The following GNA14 variants were observed in gnomAD, a reference collection of about 807,000 sequenced individuals.
The protein encoded by GNA14 is G protein subunit alpha 14.
GNA14 carries 50 observed loss-of-function variants against 42.0 expected under a neutral mutation model. That is an observed-to-expected ratio of 1.19 (90% CI 0.95 to 1.51). The LOEUF is 1.51. Ranked by LOEUF, GNA14 falls within the 40% of genes most tolerant of loss-of-function variation. GNA14 has a pLI of 0.00. For missense variants in GNA14, 473 were observed against 446.2 expected, an observed-to-expected ratio of 1.06 and a Z score of -0.54; for synonymous variants, 173 against 163.1, an observed-to-expected ratio of 1.06 and a Z score of -0.46.
chr9:77,486,237 T>C (rs2165963), intron 2 of GNA14, among the ~76,000 whole-genome samples: 87,081 of 152,098 alleles, frequency 0.57, 25,449 homozygotes, highest in East Asian at 0.84. Context: ...GTTACAGAGA[T>C]GGCTTCTTTC....
chr9:77,545,207 C>T (rs1190209792), intron 1 of GNA14, among the ~76,000 whole-genome samples: 1 of 152,290 alleles, frequency 6.6e-6, no homozygotes, highest in East Asian at 1.9e-4. Flanking sequence ...AACCACCTTC[C>T]TATCCTTTCC....
intron 1 of GNA14, among the ~76,000 whole-genome samples, chr9:77,644,804 A>G (rs1824329139): frequency 6.6e-6 from 1 of 152,236 alleles, no homozygotes; most frequent in Non-Finnish European, 1.5e-5. Flanking sequence ...TCTGCATTTA[A>G]CAGGAAAATC....
chr9:77,438,581 A>T (rs57281393), intron 2 of GNA14, among the ~76,000 whole-genome samples: 44,643 of 151,200 alleles, frequency 0.3, 6,797 homozygotes, highest in African/African-American at 0.37. Flanking sequence ...TTTTTTTTTT[A>T]AAAAAAACCT....
At chr9:77,498,451 A>G (rs1430543105) in intron 2 of GNA14, among the ~76,000 whole-genome samples, 1 of 151,988 alleles carries the variant, frequency 6.6e-6, no homozygotes, top group Non-Finnish European at 1.5e-5. Flanking sequence ...TTTATTCACT[A>G]ATTTAATAAC....
rs534957714 is a variant in GNA14, at chr9:77,558,424, A to G, written c.125-29171T>C. 2.0e-5 allele frequency among the ~76,000 whole-genome samples: 3 copies of G among 152,312 alleles called. No homozygotes were observed. In the South Asian group the frequency reaches 6.2e-4, roughly 32 times the overall value. On this transcript the variant is annotated intron_variant, in intron 1 of 6. Coordinates refer to ENST00000341700, the MANE Select transcript of GNA14 (RefSeq NM_004297.4). Reference sequence around the variant, plus strand: ...CTTTATTTTGAAGATTTTTCATAATAATATACATACATTTTTGAAAATCAC... The same window carrying G: ...CTTTATTTTGAAGATTTTTCATAATGATATACATACATTTTTGAAAATCAC...
In GNA14 at chr9:77,623,764, C is replaced by T. The variant is rs137923507; in HGVS notation, c.124+23906G>A. Among the ~76,000 whole-genome samples the T allele has an allele frequency of 1.6e-4, 25 of 152,310 alleles. No homozygotes were observed. The South Asian group carries it at 1.7e-3, about 10-fold the overall frequency. On this transcript the variant is annotated intron_variant, in intron 1 of 6. Transcript: ENST00000341700. Reference sequence around the variant, plus strand: ...AATACTACACTTTTCCGACGGTCTTCGGAACCCGCAGACCAGGAGATTCCC... The same window carrying T: ...AATACTACACTTTTCCGACGGTCTTTGGAACCCGCAGACCAGGAGATTCCC...
At chr9:77,504,584 T>A (rs1722857945) in intron 2 of GNA14, among the ~76,000 whole-genome samples, 1 of 149,892 alleles carries the variant, frequency 6.7e-6, no homozygotes, top group African/African-American at 2.5e-5. Context: ...CAAGTCCACA[T>A]TCATTCCAAC....
At chr9:77,642,375 C>A (rs926087326) in intron 1 of GNA14, among the ~76,000 whole-genome samples, 5 of 152,182 alleles carry the variant, frequency 3.3e-5, no homozygotes, top group East Asian at 1.9e-4. Flanking sequence ...GACAAAACCA[C>A]ACAATCCTCC....
chr9:77,433,940 A>G (rs975382747), intron 3 of GNA14, among the ~76,000 whole-genome samples: 15 of 152,158 alleles, frequency 9.9e-5, no homozygotes, highest in African/African-American at 3.6e-4. Context: ...TTTTAGCGCA[A>G]TTGGACCTGC....
chr9:77,482,718 A>T (rs922215305), intron 2 of GNA14, among the ~76,000 whole-genome samples: 1 of 152,030 alleles, frequency 6.6e-6, no homozygotes, highest in Non-Finnish European at 1.5e-5. Flanking sequence ...TGGTCTTTTC[A>T]CATAGTCCCA....
In GNA14 at chr9:77,449,337, G is replaced by A. The variant is rs191651977; in HGVS notation, c.310-14815C>T. 1.0e-3 allele frequency among the ~76,000 whole-genome samples: 159 copies of A among 152,286 alleles called. 2 individuals are homozygous for A. The highest frequency in any genetic ancestry group is 3.2e-4 in the Non-Finnish European group (22 of 68,020). ...TCCCTTTGTTAAGTGATGCGTGACT[G>A]TATGTAGTAACATTAAATAAAATGC... On this transcript the variant is annotated intron_variant, in intron 2 of 6. Coordinates refer to ENST00000341700, the MANE Select transcript of GNA14 (RefSeq NM_004297.4).
At chr9:77,533,392 CT>C (rs1490746206) in intron 1 of GNA14, among the ~76,000 whole-genome samples, 1 of 152,164 alleles carries the variant, frequency 6.6e-6, no homozygotes, top group Non-Finnish European at 1.5e-5. Flanking sequence ...GTTGCCCAGG[CT>C]GGTCTCAAAC....
At chr9:77,543,577 G>A (rs933580820) in intron 1 of GNA14, among the ~76,000 whole-genome samples, 1 of 152,206 alleles carries the variant, frequency 6.6e-6, no homozygotes, top group Non-Finnish European at 1.5e-5. Context: ...AGAGTCTCAA[G>A]GCCTGCAAGG....
chr9:77,437,261 A>G (rs1325724885), intron 2 of GNA14, among the ~76,000 whole-genome samples: 1 of 152,162 alleles, frequency 6.6e-6, no homozygotes, highest in Admixed American at 6.5e-5. Flanking sequence ...AATAAACATT[A>G]CGGCCAAGTG....
chr9:77,537,179 T>C (rs1837608442), intron 1 of GNA14, among the ~76,000 whole-genome samples: 1 of 152,196 alleles, frequency 6.6e-6, no homozygotes, highest in Non-Finnish European at 1.5e-5. Flanking sequence ...TTATTTCTTC[T>C]ATCTAACTGT....
chr9:77,439,645 T>A (rs1051144730), intron 2 of GNA14, among the ~76,000 whole-genome samples: 7 of 151,946 alleles, frequency 4.6e-5, no homozygotes, highest in Non-Finnish European at 8.8e-5. Flanking sequence ...TCAAAAATAA[T>A]AATAATGATG....
At chr9:77,643,672 C>A (rs1296342322) in intron 1 of GNA14, among the ~76,000 whole-genome samples, 1 of 152,118 alleles carries the variant, frequency 6.6e-6, no homozygotes, top group Non-Finnish European at 1.5e-5. Context: ...TTTTTGGGAC[C>A]AGATTTTCAA....
At chr9:77,621,561 CCT>C (rs10554597) in intron 1 of GNA14, among the ~76,000 whole-genome samples, 2,699 of 152,218 alleles carry the variant, frequency 0.018, 71 homozygotes, top group African/African-American at 0.061. Flanking sequence ...CAAACCAAAA[CCT>C]CTTTCTCATT....
At chr9:77,524,474 G>A (rs1036394793) in intron 2 of GNA14, among the ~76,000 whole-genome samples, 28 of 152,224 alleles carry the variant, frequency 1.8e-4, no homozygotes, top group African/African-American at 6.5e-4. Flanking sequence ...AGATAATAGA[G>A]AAATAAATAC....
Sources: allele counts gnomAD v4.1 joint callset (sites outside exome capture counted in the v4.1 genomes callset), GRCh38; gene constraint gnomAD v4.1.1; transcripts MANE v1.5; gene names NCBI Gene and HGNC (gene_info 2026-07-23, HGNC 2026-07-21).